NWD2: variants seen among roughly 807,000 people sequenced by gnomAD.
NWD2 encodes NACHT and WD repeat domain-containing protein 2.
In NWD2, 37 loss-of-function variants were observed where a neutral mutation model predicts 132.7. That is an observed-to-expected ratio of 0.28 (90% CI 0.21 to 0.37). The LOEUF (loss-of-function observed/expected upper bound fraction) is 0.37. Among genes scored for constraint, NWD2 ranks in the 10% least tolerant of loss-of-function variants. The pLI, the probability that NWD2 is intolerant of heterozygous loss-of-function variation, is 1.00. For missense variants in NWD2, 1,592 were observed against 2,122.4 expected (o/e 0.75, Z 4.91); for synonymous variants, 705 against 803.0 (o/e 0.88, Z 2.06).
intron 1 of NWD2, among the ~76,000 whole-genome samples, chr4:37,281,402 A>G (rs1485544407): frequency 6.6e-6 from 1 of 152,136 alleles, no homozygotes; most frequent in African/African-American, 2.4e-5. Flanking sequence ...TAGGTAATAT[A>G]AAGGTAAGAT....
chr4:37,277,410 G>A (rs1195357973), intron 1 of NWD2, among the ~76,000 whole-genome samples: 4 of 151,774 alleles, frequency 2.6e-5, no homozygotes, highest in South Asian at 2.1e-4. Flanking sequence ...AGTTTGCTAT[G>A]TTTGATGTCC....
chr4:37,447,128 G>C lies in NWD2; in HGVS notation c.5140G>C (p.Ala1714Pro). The C allele has an allele frequency of 6.4e-7, 1 of 1,551,464 alleles. No homozygotes were observed. The highest frequency in any genetic ancestry group is 8.7e-7 in the Non-Finnish European group (1 of 1,146,988). ...TVSDSTESNE[A>P]TPSKKHNSCY... is the part of the protein sequence containing the mutation. ...TAGTGACTCTACTGAGTCCAATGAA[G>C]CAACACCCTCCAAGAAACACAACTC... The change falls in exon 7 of 7, where the codon GCA becomes CCA. Residue 1714 changes from alanine (A) to proline (P), a missense_variant. Physicochemically the swap from Ala to Pro is conservative, Grantham distance 27. Around this residue, in one of 7 missense-constraint regions of NWD2, gnomAD observed 257 missense variants for 335.0 expected, o/e 0.77. Coordinates refer to ENST00000309447, the MANE Select transcript of NWD2 (RefSeq NM_001144990.2).
intron 2 of NWD2, among the ~76,000 whole-genome samples, chr4:37,336,062 T>C (rs932443326): frequency 1.3e-5 from 2 of 152,130 alleles, no homozygotes; most frequent in African/African-American, 4.8e-5. Flanking sequence ...ATAAAATTTG[T>C]TTGCCAAAAA....
intron 3 of NWD2, among the ~76,000 whole-genome samples, chr4:37,367,921 C>A (rs1360594791): frequency 1.3e-5 from 2 of 152,012 alleles, no homozygotes; most frequent in African/African-American, 2.4e-5. Context: ...ACCAGCAGAC[C>A]CTAAATGGTT....
chr4:37,388,773 G>A (rs1720623538), intron 3 of NWD2, among the ~76,000 whole-genome samples: 1 of 144,882 alleles, frequency 6.9e-6, no homozygotes, highest in Non-Finnish European at 1.5e-5. Flanking sequence ...CAAGTCAGTG[G>A]CATTAATTAC....
chr4:37,251,343 C>T (rs886601580), intron 1 of NWD2, among the ~76,000 whole-genome samples: 8 of 152,184 alleles, frequency 5.3e-5, no homozygotes, highest in African/African-American at 1.4e-4. Context: ...CTGTTATATA[C>T]GTGGTTTATT....
intron 2 of NWD2, among the ~76,000 whole-genome samples, chr4:37,331,596 A>AT (rs1719293219): frequency 2.0e-5 from 3 of 152,210 alleles, no homozygotes; most frequent in Non-Finnish European, 2.9e-5. Context: ...CATCCTGTGT[A>AT]AATGTCATAT....
chr4:37,438,480 G>A (rs994035442), intron 5 of NWD2, among the ~76,000 whole-genome samples: 4 of 152,020 alleles, frequency 2.6e-5, no homozygotes, highest in African/African-American at 9.7e-5. Context: ...AGTCTGAGAG[G>A]AAAACTGAGC....
At chr4:37,412,507 C>A (rs1721180417) in intron 3 of NWD2, among the ~76,000 whole-genome samples, 1 of 152,156 alleles carries the variant, frequency 6.6e-6, no homozygotes, top group South Asian at 2.1e-4. Flanking sequence ...GAAAAACATT[C>A]CATGCTCATG....
intron 3 of NWD2, among the ~76,000 whole-genome samples, chr4:37,363,509 A>G (rs149657666): frequency 8.5e-5 from 13 of 152,302 alleles, no homozygotes; most frequent in Non-Finnish European, 1.6e-4. Context: ...GCTGGATGCT[A>G]TTTTCCTAAG....
In NWD2 at chr4:37,449,410, C is replaced by A. The variant is rs969988161; in HGVS notation, c.*2193C>A. On this transcript the variant is annotated 3_prime_UTR_variant, in exon 7 of 7. Coordinates refer to ENST00000309447, the MANE Select transcript of NWD2 (RefSeq NM_001144990.2). ...CTAGAAAATTATTTCAGTCTTCAAA[C>A]AATATACAGTCTTGTGTATGTATTA... 3 of 152,138 alleles carry A rather than the reference C, an allele frequency of 2.0e-5. No individual in the cohort carries two copies. Among genetic ancestry groups the A allele is most frequent in the African/African-American group, 7.2e-5 (3 of 41,422 alleles). 9.4% of individuals were successfully genotyped at this position (152,138 alleles called of 1,614,324 possible). A position where few individuals can be genotyped will look rare whatever the true frequency, so the allele number is the denominator to read the frequency against.
At position 37,448,058 on chromosome 4, in the gene NWD2, A is replaced by G. The variant is rs1335852158; in HGVS notation, c.*841A>G. The G allele has an allele frequency of 6.6e-6, 1 of 152,222 alleles. No individual in the cohort carries two copies. The highest frequency in any genetic ancestry group is 1.9e-4 in the East Asian group (1 of 5,204). The allele number at this position is 152,222 out of a possible 1,614,324, so 9.4% of individuals were successfully genotyped here. A position where few individuals can be genotyped will look rare whatever the true frequency, so the allele number is the denominator to read the frequency against. On this transcript the variant is annotated 3_prime_UTR_variant, in exon 7 of 7. Transcript: ENST00000309447. ...ACAAATCTGGTCAAAACACCTGTCC[A>G]TTTCCATCATTGTACTAACAGAAGT...
intron 1 of NWD2, among the ~76,000 whole-genome samples, chr4:37,259,618 AC>A (rs1254882826): frequency 6.6e-6 from 1 of 152,016 alleles, no homozygotes; most frequent in Non-Finnish European, 1.5e-5. Context: ...CAATATACCA[AC>A]CACTTTATGC....
chr4:37,341,728 C>T (rs1447466688), intron 2 of NWD2, among the ~76,000 whole-genome samples: 5 of 152,172 alleles, frequency 3.3e-5, no homozygotes, highest in African/African-American at 9.7e-5. Context: ...CTTAACTTCT[C>T]CGTTCCTCAG....
At chr4:37,350,748 C>A (rs987417700) in intron 2 of NWD2, among the ~76,000 whole-genome samples, 5 of 152,156 alleles carry the variant, frequency 3.3e-5, no homozygotes, top group Admixed American at 2.0e-4. Flanking sequence ...AAAAGAGCAA[C>A]CTCGTCTTGT....
rs547623268 is a variant in NWD2 at position 37,439,042 on chromosome 4, A to G, written c.948A>G (p.Arg316=). ...IPTIVASSNL[R]VYTSVTHCDM... is the part of the protein sequence containing the mutation. ...CTATTGTTGCATCATCTAATCTGAGAGTGTACACATCTGTTACTCATTGTG... is the reference window on the plus strand; with the variant it reads ...CTATTGTTGCATCATCTAATCTGAGGGTGTACACATCTGTTACTCATTGTG... Residue 316 remains arginine, a synonymous_variant, in exon 6 of 7, where the codon AGA becomes AGG. Transcript: ENST00000309447. The surrounding 1 kb of genome is among the most constrained non-coding windows in gnomAD (Gnocchi z 4.5). 1 of 1,551,790 alleles carries G rather than the reference A, an allele frequency of 6.4e-7. No homozygotes were observed. Among genetic ancestry groups the G allele is most frequent in the Admixed American group, 2.0e-5 (1 of 51,016 alleles).
chr4:37,351,968 T>G (rs1197509284), intron 2 of NWD2, among the ~76,000 whole-genome samples: 1 of 152,234 alleles, frequency 6.6e-6, no homozygotes, highest in Non-Finnish European at 1.5e-5. Flanking sequence ...TTTGTTCAGT[T>G]TCCATATAGT....
intron 1 of NWD2, among the ~76,000 whole-genome samples, chr4:37,297,096 T>A (rs1488912003): frequency 6.6e-6 from 1 of 152,196 alleles, no homozygotes; most frequent in African/African-American, 2.4e-5. Flanking sequence ...CTCCTCTGTG[T>A]GTGTGTATAT....
At chr4:37,441,637 T>G (rs1438528799) in intron 6 of NWD2, among the ~76,000 whole-genome samples, 1 of 152,216 alleles carries the variant, frequency 6.6e-6, no homozygotes, top group Non-Finnish European at 1.5e-5. Context: ...TCTGAGCTCT[T>G]GCTCTTCTAG....
Sources: gnomAD v4.1 joint callset for allele counts (sites outside exome capture counted in the v4.1 genomes callset) on GRCh38, gnomAD v4.1.1 for gene constraint, gnomAD v4.1.1 regional missense constraint, Gnocchi (gnomAD v3.1) non-coding constraint, MANE v1.5 for transcripts, NCBI Gene and HGNC (gene_info 2026-07-23, HGNC 2026-07-21) for gene names.